The following TMEM132C variants were observed in gnomAD, a reference collection of about 807,000 sequenced individuals.
TMEM132C encodes the protein protein phosphatase 1, regulatory subunit 152.
In TMEM132C, 29 loss-of-function variants were observed where a neutral mutation model predicts 61.4. That is an observed-to-expected ratio of 0.47 (90% CI 0.35 to 0.64). TMEM132C has a LOEUF of 0.64. Among genes scored for constraint, TMEM132C ranks in the 30% least tolerant of loss-of-function variants. TMEM132C has a pLI of 0.00. For synonymous variants in TMEM132C, 656 were observed against 633.1 expected, an observed-to-expected ratio of 1.04 and a Z score of -0.54; for missense variants, 1,408 against 1,476.9, an observed-to-expected ratio of 0.95 and a Z score of 0.76.
intron 3 of TMEM132C, among the ~76,000 whole-genome samples, chr12:128,615,198 G>A (rs1245091415): frequency 6.6e-6 from 1 of 152,134 alleles, no homozygotes; most frequent in Non-Finnish European, 1.5e-5. Flanking sequence ...GGGGGTTGAA[G>A]GTGCTATTGA....
At chr12:128,611,514 G>A (rs1876635363) in intron 3 of TMEM132C, among the ~76,000 whole-genome samples, 2 of 152,176 alleles carry the variant, frequency 1.3e-5, no homozygotes, top group Admixed American at 1.3e-4. Context: ...CATGCCCACT[G>A]CTGTCTCACC....
intron 3 of TMEM132C, among the ~76,000 whole-genome samples, chr12:128,572,800 T>C (rs1201627835): frequency 6.6e-6 from 1 of 152,186 alleles, no homozygotes; most frequent in African/African-American, 2.4e-5. Context: ...CAGGCCTGGG[T>C]CACATGCCCA....
chr12:128,574,270 T>TA (rs2136174902), intron 3 of TMEM132C, among the ~76,000 whole-genome samples: 1 of 152,340 alleles, frequency 6.6e-6, no homozygotes, highest in African/African-American at 2.4e-5. Context: ...ACTTATTAGT[T>TA]ACGGCTCATT....
At chr12:128,268,541 T>C (rs903653915) in intron 1 of TMEM132C, among the ~76,000 whole-genome samples, 12 of 151,732 alleles carry the variant, frequency 7.9e-5, no homozygotes, top group African/African-American at 2.9e-4. Context: ...TCGGGTTCAT[T>C]TGGTTAAACG....
At chr12:128,528,942 G>A (rs534887963) in intron 2 of TMEM132C, among the ~76,000 whole-genome samples, 100 of 152,212 alleles carry the variant, frequency 6.6e-4, no homozygotes, top group African/African-American at 2.2e-3. Flanking sequence ...GGGACTCAGC[G>A]GGGATTTTAG....
intron 1 of TMEM132C, among the ~76,000 whole-genome samples, chr12:128,361,100 T>G (rs564346066): frequency 6.6e-6 from 1 of 152,316 alleles, no homozygotes; most frequent in Admixed American, 6.5e-5. Context: ...CGGATCATGC[T>G]CGCTGTTAGA....
At position 128,668,049 on chromosome 12, in the gene TMEM132C, G is replaced by A. The variant is rs190408521; in HGVS notation, c.1306-1368G>A. On this transcript the variant is annotated intron_variant, in intron 4 of 8. Coordinates refer to ENST00000435159, the MANE Select transcript of TMEM132C (RefSeq NM_001136103.3). ...GCACTTCGGGAGACTGAGGCAGGAG[G>A]ATCGCTTCAAGCTAGGAGTTCAAGA... is the stretch of plus-strand genomic sequence containing the variant. Among the ~76,000 whole-genome samples the A allele has an allele frequency of 1.3e-3, 193 of 152,314 alleles. 1 individual carries two copies. The highest frequency in any genetic ancestry group is 0.01 in the Middle Eastern group (3 of 294).
At chr12:128,471,846 G>T (rs1870963588) in intron 2 of TMEM132C, among the ~76,000 whole-genome samples, 1 of 152,140 alleles carries the variant, frequency 6.6e-6, no homozygotes, top group Admixed American at 6.5e-5. Context: ...CTCTATAAGT[G>T]CTTGTTGAAT....
At chr12:128,276,301 A>G (rs1870687726) in intron 1 of TMEM132C, among the ~76,000 whole-genome samples, 1 of 152,238 alleles carries the variant, frequency 6.6e-6, no homozygotes, top group South Asian at 2.1e-4. Context: ...AACCTTACAT[A>G]GATATTTTTT....
intron 4 of TMEM132C, among the ~76,000 whole-genome samples, chr12:128,618,279 T>C: frequency 6.6e-6 from 1 of 152,224 alleles, no homozygotes; most frequent in African/African-American, 2.4e-5. Flanking sequence ...CTTCCTTGGA[T>C]GGATGTATTG....
chr12:128,457,305 T>TAAAAAAAA (rs578230110), intron 2 of TMEM132C, among the ~76,000 whole-genome samples: 1 of 120,894 alleles, frequency 8.3e-6, no homozygotes, highest in Admixed American at 8.6e-5. Flanking sequence ...TCTCCATCTG[T>TAAAAAAAA]AAAAAAAAAA....
intron 1 of TMEM132C, among the ~76,000 whole-genome samples, chr12:128,348,796 T>C (rs140489957): frequency 2.0e-5 from 3 of 152,356 alleles, no homozygotes; most frequent in Non-Finnish European, 4.4e-5. Context: ...TTAGGGCTTC[T>C]TTGCAGCTCA....
intron 3 of TMEM132C, among the ~76,000 whole-genome samples, chr12:128,577,139 T>C (rs1875140983): frequency 1.3e-5 from 2 of 152,232 alleles, no homozygotes; most frequent in African/African-American, 2.4e-5. Context: ...TCTATGGACT[T>C]GCCTATTCTG....
At chr12:128,515,200 C>T (rs1314431174) in intron 2 of TMEM132C, among the ~76,000 whole-genome samples, 1 of 152,162 alleles carries the variant, frequency 6.6e-6, no homozygotes, top group Non-Finnish European at 1.5e-5. Flanking sequence ...CTGTTTCTAG[C>T]CATTCAAATA....
At chr12:128,322,796 T>C (rs948903823) in intron 1 of TMEM132C, among the ~76,000 whole-genome samples, 3 of 152,232 alleles carry the variant, frequency 2.0e-5, no homozygotes, top group Admixed American at 6.5e-5. Flanking sequence ...TCTGTTTTCT[T>C]TAAGGTTTCT....
At chr12:128,626,244 A>C (rs910183521) in intron 4 of TMEM132C, among the ~76,000 whole-genome samples, 3 of 150,524 alleles carry the variant, frequency 2.0e-5, no homozygotes, top group Admixed American at 6.6e-5. Flanking sequence ...CTCGTGCCTC[A>C]GCCTCCCAAG....
intron 1 of TMEM132C, among the ~76,000 whole-genome samples, chr12:128,296,430 G>T (rs368537505): frequency 6.6e-6 from 1 of 152,164 alleles, no homozygotes; most frequent in Non-Finnish European, 1.5e-5. Context: ...TTGTTCTCAT[G>T]GTCACAGGAG....
At chr12:128,290,197 C>T (rs1483853309) in intron 1 of TMEM132C, among the ~76,000 whole-genome samples, 1 of 152,080 alleles carries the variant, frequency 6.6e-6, no homozygotes, top group Non-Finnish European at 1.5e-5. Context: ...TAAAGAAGTA[C>T]CTGAGACTGG....
intron 2 of TMEM132C, among the ~76,000 whole-genome samples, chr12:128,510,502 G>A (rs1872532302): frequency 6.6e-6 from 1 of 152,226 alleles, no homozygotes. Context: ...CCCGCACCTA[G>A]AACGGCGGGT....
Sources: allele counts gnomAD v4.1 joint callset (sites outside exome capture counted in the v4.1 genomes callset), GRCh38; gene constraint gnomAD v4.1.1; transcripts MANE v1.5; gene names NCBI Gene and HGNC (gene_info 2026-07-23, HGNC 2026-07-21).